Variants in SUGCT observed in about 807,000 individuals in gnomAD.
SUGCT encodes the protein succinyl-CoA:glutarate-CoA transferase, also known as succinyl-CoA:glutarate CoA-transferase.
A neutral mutation model predicts 55.0 loss-of-function variants in SUGCT; 41 were observed. That is an observed-to-expected ratio of 0.74 (90% CI 0.58 to 0.97). The LOEUF (loss-of-function observed/expected upper bound fraction) is 0.97. Ranked by LOEUF, SUGCT falls within the 50% of genes least tolerant of loss-of-function variation. The pLI is 0.00. For missense variants in SUGCT, 568 were observed against 547.8 expected, an observed-to-expected ratio of 1.04 and a Z score of -0.37; for synonymous variants, 187 against 200.4, an observed-to-expected ratio of 0.93 and a Z score of 0.56.
At chr7:40,794,094 A>G (rs1224832505) in intron 13 of SUGCT, among the ~76,000 whole-genome samples, 2 of 152,142 alleles carry the variant, frequency 1.3e-5, no homozygotes, top group African/African-American at 4.8e-5. Context: ...TAGCTGAACT[A>G]TTTAAGGATC....
chr7:40,390,313 G>C (rs1271059133), intron 9 of SUGCT, among the ~76,000 whole-genome samples: 1 of 152,096 alleles, frequency 6.6e-6, no homozygotes, highest in Non-Finnish European at 1.5e-5. Context: ...AGAAATAAAC[G>C]GTATTCAATT....
At chr7:40,984,848 A>G in the SUGCT span, among the ~76,000 whole-genome samples, 1 of 152,284 alleles carries the variant, frequency 6.6e-6, no homozygotes, top group African/African-American at 2.4e-5. Flanking sequence ...CCACTAAGTT[A>G]GGTCCCTGAA....
chr7:40,459,007 T>G (rs1789639038), intron 10 of SUGCT, 94 bp from the exon 11 acceptor site: 44 of 741,026 alleles, frequency 5.9e-5, no homozygotes, highest in East Asian at 8.1e-5. Flanking sequence ...GGAATGTTCT[T>G]GAGAAGGGAG....
At chr7:40,800,634 C>A (rs1193959600) in intron 13 of SUGCT, among the ~76,000 whole-genome samples, 3 of 152,054 alleles carry the variant, frequency 2.0e-5, no homozygotes, top group African/African-American at 7.2e-5. Flanking sequence ...CTGGATACCA[C>A]AGAAAGAAGA....
the SUGCT span, among the ~76,000 whole-genome samples, chr7:41,032,971 C>T: frequency 6.6e-6 from 1 of 152,306 alleles, no homozygotes; most frequent in African/African-American, 2.4e-5. Flanking sequence ...ACCATGTTGG[C>T]CAGGATGGTC....
chr7:40,439,589 ACTGG>A (rs1788387908), intron 9 of SUGCT, among the ~76,000 whole-genome samples: 1 of 152,138 alleles, frequency 6.6e-6, no homozygotes, highest in African/African-American at 2.4e-5. Flanking sequence ...AGTTGTGTTA[ACTGG>A]TCCCGGTGCT....
intron 8 of SUGCT, among the ~76,000 whole-genome samples, chr7:40,301,582 G>A (rs1794544880): frequency 6.6e-6 from 1 of 152,196 alleles, no homozygotes; most frequent in Admixed American, 6.5e-5. Flanking sequence ...TTTAAGAAGA[G>A]TCATCAGTAA....
chr7:40,248,888 G>GCGCGCGCACA (rs774950218), intron 7 of SUGCT, among the ~76,000 whole-genome samples: 1 of 135,522 alleles, frequency 7.4e-6, no homozygotes, highest in African/African-American at 2.9e-5. Flanking sequence ...GCGCGCGCTC[G>GCGCGCGCACA]CACACACACA....
intron 6 of SUGCT, among the ~76,000 whole-genome samples, chr7:40,197,021 G>A (rs1316694271): frequency 6.6e-6 from 1 of 152,080 alleles, no homozygotes; most frequent in Non-Finnish European, 1.5e-5. Context: ...TTTTAGTAGA[G>A]ATGGGGTTTC....
At chr7:40,662,701 A>G (rs1010221269) in intron 12 of SUGCT, among the ~76,000 whole-genome samples, 1 of 152,236 alleles carries the variant, frequency 6.6e-6, no homozygotes, top group Non-Finnish European at 1.5e-5. Flanking sequence ...TTGCATGACT[A>G]TAGAAGCTAA....
intron 12 of SUGCT, among the ~76,000 whole-genome samples, chr7:40,578,234 A>C (rs1285498756): frequency 6.6e-6 from 1 of 152,202 alleles, no homozygotes; most frequent in Admixed American, 6.5e-5. Flanking sequence ...CAGTTTTTGC[A>C]CTGAAATTTC....
At chr7:40,218,159 G>GCTGACA (rs1307124742) in intron 6 of SUGCT, among the ~76,000 whole-genome samples, 3 of 152,192 alleles carry the variant, frequency 2.0e-5, no homozygotes, top group African/African-American at 7.2e-5. Context: ...GCTGCCGTGA[G>GCTGACA]CTGACACTGT....
chr7:40,287,500 C>CTTT (rs113244843), intron 8 of SUGCT, among the ~76,000 whole-genome samples: 5 of 144,012 alleles, frequency 3.5e-5, no homozygotes, highest in African/African-American at 1.3e-4. Flanking sequence ...CCTTGATACT[C>CTTT]TTTTTTTTTT....
chr7:40,339,677 T>A (rs1307277982), intron 9 of SUGCT, among the ~76,000 whole-genome samples: 1 of 152,220 alleles, frequency 6.6e-6, no homozygotes, highest in Non-Finnish European at 1.5e-5. Flanking sequence ...GGGTATTCCC[T>A]GACCCCTTGC....
At chr7:40,780,534 T>G (rs1159412892) in intron 13 of SUGCT, among the ~76,000 whole-genome samples, 2 of 152,204 alleles carry the variant, frequency 1.3e-5, no homozygotes, top group Non-Finnish European at 2.9e-5. Context: ...CCACAGGGGC[T>G]AGGGCCACAT....
At chr7:40,889,998 A>G in the SUGCT span, among the ~76,000 whole-genome samples, 1 of 151,914 alleles carries the variant, frequency 6.6e-6, no homozygotes, top group Non-Finnish European at 1.5e-5. Context: ...GAGGTCAGTC[A>G]TATTGCATCG....
At chr7:40,899,762 A>AT in the SUGCT span, among the ~76,000 whole-genome samples, 1 of 152,200 alleles carries the variant, frequency 6.6e-6, no homozygotes. Flanking sequence ...AGGAAAAAAA[A>AT]CTTCAAACCT....
chr7:40,443,989 C>T (rs955766671), intron 9 of SUGCT, among the ~76,000 whole-genome samples: 3 of 152,148 alleles, frequency 2.0e-5, no homozygotes, highest in African/African-American at 7.2e-5. Context: ...AATCCTTTCC[C>T]CATTTCTTGT....
At chr7:40,258,235 C>T (rs1790948909) in intron 7 of SUGCT, among the ~76,000 whole-genome samples, 1 of 152,152 alleles carries the variant, frequency 6.6e-6, no homozygotes, top group Non-Finnish European at 1.5e-5. Context: ...CTTTGAGCAG[C>T]CATTGAAGAC....
Sources: gnomAD v4.1 joint callset for allele counts (sites outside exome capture counted in the v4.1 genomes callset) on GRCh38, gnomAD v4.1.1 for gene constraint, MANE v1.5 for transcripts, NCBI Gene and HGNC (gene_info 2026-07-23, HGNC 2026-07-21) for gene names.